The following SYNM variants were observed in gnomAD, a reference collection of about 807,000 sequenced individuals.
The protein encoded by SYNM is synemin.
Under a neutral mutation model 104.0 loss-of-function variants are expected in SYNM, and 95 were observed. That is an observed-to-expected ratio of 0.91 (90% CI 0.77 to 1.08). The LOEUF is 1.08. Ranked by LOEUF, SYNM falls within the 50% of genes least tolerant of loss-of-function variation. The pLI, the probability that SYNM is intolerant of heterozygous loss-of-function variation, is 0.00. For synonymous variants in SYNM, 918 were observed against 869.0 expected, an observed-to-expected ratio of 1.06 and a Z score of -0.99; for missense variants, 2,150 against 2,052.2, an observed-to-expected ratio of 1.05 and a Z score of -0.92.
rs561861259 is a variant in SYNM at position 99,114,264 on chromosome 15, T to TGGCAGGA, written c.935+551_935+557dup. 8.4e-4 allele frequency among the ~76,000 whole-genome samples: 127 copies of TGGCAGGA among 151,838 alleles called. 1 individual carries two copies. The highest frequency in any genetic ancestry group is 2.9e-3 in the African/African-American group (122 of 41,488). On this transcript the variant is annotated intron_variant, in intron 2 of 3. Transcript: ENST00000336292. ...AGAAGCAAGAACCTTCTTCAGAAGG[T>TGGCAGGA]GGCAGGAGAGAGAGAGAGCTCAGGG...
intron 2 of SYNM, among the ~76,000 whole-genome samples, chr15:99,120,073 T>A (rs7176156): frequency 0.083 from 12,597 of 152,292 alleles, 572 homozygotes; most frequent in African/African-American, 0.1. Context: ...AAGCTTTTTT[T>A]CCATGTGATG....
At chr15:99,115,590 T>A (rs1567276705) in intron 2 of SYNM, among the ~76,000 whole-genome samples, 1 of 151,708 alleles carries the variant, frequency 6.6e-6, no homozygotes, top group Non-Finnish European at 1.5e-5. Flanking sequence ...GCCTCCTGAG[T>A]AGCTGGGACT....
Position 99,131,682 on chromosome 15 carries a change from C to T in SYNM, c.3322C>T (p.Pro1108Ser). 3 of 1,613,056 alleles carry T rather than the reference C, an allele frequency of 1.9e-6. No homozygotes were observed. The highest frequency in any genetic ancestry group is 2.5e-6 in the Non-Finnish European group (3 of 1,179,762). Residue 1108 changes from proline to serine, a missense_variant, in exon 4 of 4, where the codon CCC (proline) becomes TCC (serine). Pro to Ser is a moderately conservative substitution (Grantham distance 74). Transcript: ENST00000336292. This position sits in a 1 kb window ranked among gnomAD's most constrained non-coding sequence, Gnocchi z 4.3. ...PVSATVEVSS[P>S]TGFAQSQVLE... ...GTCGGCCACTGTGGAGGTCAGCAGC[C>T]CCACAGGCTTTGCCCAGTCACAGGT...
At position 99,105,477 on chromosome 15, in the gene SYNM, G is replaced by C; in HGVS notation, c.278G>C (p.Arg93Pro). 1 of 1,371,954 alleles carries C rather than the reference G, an allele frequency of 7.3e-7. No individual in the cohort carries two copies. The highest frequency in any genetic ancestry group is 3.2e-5 in the Admixed American group (1 of 31,152). 85.0% of individuals were successfully genotyped at this position (1,371,954 alleles called of 1,614,324 possible). A position where few individuals can be genotyped will look rare whatever the true frequency, so the allele number is the denominator to read the frequency against. Reference protein sequence around the residue: ...GERDALRRELRELQRLDAEER... With the variant: ...GERDALRRELPELQRLDAEER... Reference sequence around the variant, plus strand: ...CGGGACGCTCTGCGGCGCGAGCTGCGGGAGCTGCAGCGCCTGGATGCGGAG... The same window carrying C: ...CGGGACGCTCTGCGGCGCGAGCTGCCGGAGCTGCAGCGCCTGGATGCGGAG... The change falls in exon 1 of 4, where the codon CGG becomes CCG. Residue 93 changes from arginine (R) to proline (P), a missense_variant. Coordinates refer to ENST00000336292, the MANE Select transcript of SYNM (RefSeq NM_145728.3).
rs143826471 is a variant in SYNM, at chr15:99,123,276, G to C, written c.936-3446G>C. Among the ~76,000 whole-genome samples the C allele has an allele frequency of 9.4e-3, 1,406 of 150,112 alleles. 25 individuals carry two copies. Among genetic ancestry groups the C allele is most frequent in the African/African-American group, 0.032 (1,309 of 40,568 alleles). ...CGCTTGCTTCCTCTCTGTTTTATGA[G>C]TGATGTTTGTCTCTGTTGATTATCT... On this transcript the variant is annotated intron_variant, in intron 2 of 3. Transcript: ENST00000336292.
chr15:99,128,883 GA>G (rs1208048071), intron 3 of SYNM: 4 of 155,898 alleles, frequency 2.6e-5, no homozygotes, highest in Non-Finnish European at 5.7e-5. Context: ...GGAAATCAGT[GA>G]AACAGAAGAG....
At chr15:99,140,125 A>G (rs968221443), downstream of SYNM, 1 of 181,756 alleles carries the variant, frequency 5.5e-6, no homozygotes, top group Non-Finnish European at 1.2e-5. Context: ...CACCCGGGGT[A>G]GACAAAAAGA....
At chr15:99,138,421 C>CT (rs1300965723), downstream of SYNM, among the ~76,000 whole-genome samples, 1 of 152,048 alleles carries the variant, frequency 6.6e-6, no homozygotes, top group Admixed American at 6.5e-5. Flanking sequence ...TCAAGCAACT[C>CT]TCATGCCTCA....
chr15:99,119,902 C>T (rs540063587), intron 2 of SYNM, among the ~76,000 whole-genome samples: 5 of 152,332 alleles, frequency 3.3e-5, no homozygotes, highest in South Asian at 4.1e-4. Flanking sequence ...CTGTCCACCC[C>T]GTGTCATCAT....
chr15:99,110,907 G>A (rs782672173), intron 1 of SYNM, among the ~76,000 whole-genome samples: 6 of 152,232 alleles, frequency 3.9e-5, no homozygotes, highest in Non-Finnish European at 5.9e-5. Context: ...TGGCCAAGCA[G>A]AGCCCAAGTC....
chr15:99,108,759 C>G (rs1421201982), intron 1 of SYNM, among the ~76,000 whole-genome samples: 1 of 152,190 alleles, frequency 6.6e-6, no homozygotes, highest in Non-Finnish European at 1.5e-5. Flanking sequence ...AACTCAGGCT[C>G]TAGTGCCTGA....
rs782237634 is a variant in SYNM, at chr15:99,132,063, A to T, written c.3703A>T (p.Ile1235Phe). The T allele has an allele frequency of 3.1e-6, 5 of 1,613,678 alleles. No homozygotes were observed. In the Admixed American group the frequency reaches 6.7e-5, roughly 22 times the overall value. Residue 1235 changes from isoleucine (I) to phenylalanine (F), a missense_variant, in exon 4 of 4, where the codon ATT becomes TTT. By Grantham distance (21) the Ile-to-Phe change is conservative. Transcript: ENST00000336292. ...CRQFHAEKEI[I>F]FQGPISAAGK... ...ACAATTTCATGCTGAAAAGGAGATT[A>T]TTTTTCAGGGCCCCATTTCTGCTGC...
chr15:99,138,171 C>T (rs373186784), downstream of SYNM: 92 of 1,604,132 alleles, frequency 5.7e-5, 1 homozygote, highest in Non-Finnish European at 2.8e-5. Context: ...GCCCCTCAGC[C>T]CCCCACACCG....
chr15:99,106,045 C>A, intron 1 of SYNM, 36 bp downstream of exon 1: 2 of 1,405,658 alleles, frequency 1.4e-6, no homozygotes, highest in South Asian at 1.6e-5. Context: ...ACCCCATACC[C>A]GCTGCCGTCG....
At chr15:99,137,146 TCTC>T (rs2067653647), downstream of SYNM, 1 of 152,326 alleles carries the variant, frequency 6.6e-6, no homozygotes, top group Non-Finnish European at 1.5e-5. Flanking sequence ...TGGCACTGGA[TCTC>T]CTCGTTGACA....
Position 99,135,363 on chromosome 15 carries a change from G to C in SYNM, c.*2305G>C, listed in dbSNP as rs900407961. The C allele has an allele frequency of 6.6e-6, 1 of 152,560 alleles. No homozygotes were observed. Among genetic ancestry groups the C allele is most frequent in the African/African-American group, 2.4e-5 (1 of 41,416 alleles). 9.5% of individuals were successfully genotyped at this position (152,560 alleles called of 1,614,324 possible). On this transcript the variant is annotated 3_prime_UTR_variant, in exon 4 of 4. Coordinates refer to ENST00000336292, the MANE Select transcript of SYNM (RefSeq NM_145728.3). ...TCTGCACACAAGAGAAATCAACTTC[G>C]TGGTTGGATGGGGCCGGAACACAAC...
In SYNM at chr15:99,105,997, C is replaced by A. The variant is rs781962188; in HGVS notation, c.798C>A (p.Ala266=). 2.0e-6 allele frequency: 3 copies of A among 1,474,484 alleles called. No homozygotes were observed. The highest frequency in any genetic ancestry group is 2.7e-6 in the Non-Finnish European group (3 of 1,117,814). 91.3% of individuals were successfully genotyped at this position (1,474,484 alleles called of 1,614,324 possible). Residue 266 remains alanine, a synonymous_variant, in exon 1 of 4, where the codon GCC becomes GCA. Coordinates refer to ENST00000336292, the MANE Select transcript of SYNM (RefSeq NM_145728.3). ...LRMREEYGIQ[A]EERQRVIDCL... Reference sequence around the variant, plus strand: ...TGCGCGAGGAGTACGGGATACAGGCCGAGGAGCGGCAGGTCCGTGCGCGGG... The same window carrying A: ...TGCGCGAGGAGTACGGGATACAGGCAGAGGAGCGGCAGGTCCGTGCGCGGG...
chr15:99,138,254 G>C, downstream of SYNM: 1 of 1,103,582 alleles, frequency 9.1e-7, no homozygotes, highest in Non-Finnish European at 1.3e-6. Context: ...GGCTATAAAT[G>C]AGAGGAGAAT....
In SYNM at chr15:99,129,744, G is replaced by A. The variant is rs3134595; in HGVS notation, c.1384G>A (p.Gly462Ser). ...TACAAGGGAGGTCCCCGTTTACATA[G>A]GTGAAGATTCCACAATTGCCCGCGA... ...GDTREVPVYI[G>S]EDSTIARESY... Residue 462 changes from glycine to serine, a missense_variant, in exon 4 of 4, where the codon GGT becomes AGT. Physicochemically the swap from Gly to Ser is moderately conservative, Grantham distance 56. Transcript: ENST00000336292. The A allele has an allele frequency of 6.2e-7, 1 of 1,613,640 alleles. No homozygotes were observed. Among genetic ancestry groups the A allele is most frequent in the Non-Finnish European group, 8.5e-7 (1 of 1,179,862 alleles).
Sources: allele counts gnomAD v4.1 joint callset (sites outside exome capture counted in the v4.1 genomes callset), GRCh38; gene constraint gnomAD v4.1.1; non-coding constraint Gnocchi (gnomAD v3.1); transcripts MANE v1.5; gene names NCBI Gene and HGNC (gene_info 2026-07-23, HGNC 2026-07-21).